The following MBP variants were observed in gnomAD, a reference collection of about 807,000 sequenced individuals.
MBP encodes Golli-MBP.
Under a neutral mutation model 35.8 loss-of-function variants are expected in MBP, and 16 were observed. That is an observed-to-expected ratio of 0.45 (90% confidence interval 0.30 to 0.68). The LOEUF is 0.68. MBP is among the 30% of genes least tolerant of loss of function. The probability of loss-of-function intolerance (pLI) is 0.08; values close to 1 mark genes in which losing one functional copy is unlikely to be tolerated. For synonymous variants in MBP, 143 were observed against 159.6 expected (o/e 0.90, Z 0.78); for missense variants, 380 against 404.7 (o/e 0.94, Z 0.52).
chr18:77,130,698 C>CT (rs890008904), intron 1 of MBP, among the ~76,000 whole-genome samples: 3 of 132,256 alleles, frequency 2.3e-5, no homozygotes, highest in Non-Finnish European at 4.9e-5. Flanking sequence ...TTTTTTTTTT[C>CT]TTTTTTCCCC....
chr18:77,051,490 CT>C (rs1973487501), intron 3 of MBP, among the ~76,000 whole-genome samples: 1 of 152,218 alleles, frequency 6.6e-6, no homozygotes, highest in Non-Finnish European at 1.5e-5. Flanking sequence ...TTCTGGGCCT[CT>C]GCACTGGGCT....
rs1024162539 is a variant in MBP, at chr18:77,131,377, C to T, written c.-26+1203G>A. Among the ~76,000 whole-genome samples the T allele has an allele frequency of 9.8e-5, 15 of 152,312 alleles. No homozygotes were observed. Among genetic ancestry groups the T allele is most frequent in the African/African-American group, 3.6e-4 (15 of 41,566 alleles). ...CACACACTGGAGTTCCCTGACGTTT[C>T]CTTCCTCTGAAAAACTCTCTTTCCA... On this transcript the variant is annotated intron_variant, in intron 1 of 8. Coordinates refer to ENST00000355994, the MANE Select transcript of MBP (RefSeq NM_001025101.2). This position sits in a 1 kb window ranked among gnomAD's most constrained non-coding sequence, Gnocchi z 5.5.
At chr18:77,039,845 T>C (rs143977223) in intron 3 of MBP, among the ~76,000 whole-genome samples, 1 of 152,322 alleles carries the variant, frequency 6.6e-6, no homozygotes, top group Non-Finnish European at 1.5e-5. Context: ...CAGGGGTGGA[T>C]GCCCAGCCCC....
At chr18:77,010,784 A>G (rs998512086) in intron 4 of MBP, among the ~76,000 whole-genome samples, 12 of 152,248 alleles carry the variant, frequency 7.9e-5, no homozygotes, top group African/African-American at 2.7e-4. Context: ...TATCTGCTAT[A>G]TCAATGAACT....
At chr18:77,026,193 T>C (rs1010772362) in intron 3 of MBP, among the ~76,000 whole-genome samples, 4 of 152,264 alleles carry the variant, frequency 2.6e-5, no homozygotes, top group African/African-American at 9.6e-5. Flanking sequence ...GTGCCTGAAC[T>C]CAGCGCTTTT....
At chr18:77,076,884 C>G (rs1203271028) in intron 2 of MBP, among the ~76,000 whole-genome samples, 1 of 152,152 alleles carries the variant, frequency 6.6e-6, no homozygotes, top group Non-Finnish European at 1.5e-5. Context: ...AGGCACCAAT[C>G]CCAACCCCAC....
At position 76,980,065 on chromosome 18, in the gene MBP, C is replaced by T. The variant is rs1004431347; in HGVS notation, c.*362G>A. The T allele has an allele frequency of 1.1e-5, 8 of 700,740 alleles. No homozygotes were observed. The African/African-American group carries it at 1.2e-4, about 11-fold the overall frequency. 43.4% of individuals were successfully genotyped at this position (700,740 alleles called of 1,614,324 possible). A position where few individuals can be genotyped will look rare whatever the true frequency, so the allele number is the denominator to read the frequency against. ...TCCATGGCAGTGACCAGCAAAAGCG[C>T]AAGGGTGCCGCAGCCACGGCGAAAA... On this transcript the variant is annotated 3_prime_UTR_variant, in exon 9 of 9. Coordinates refer to ENST00000355994, the MANE Select transcript of MBP (RefSeq NM_001025101.2).
chr18:77,104,802 C>G (rs574429020), intron 2 of MBP, among the ~76,000 whole-genome samples: 1 of 152,168 alleles, frequency 6.6e-6, no homozygotes, highest in East Asian at 1.9e-4. Flanking sequence ...TCTCTGAGAG[C>G]CTCCTGATAC....
intron 1 of MBP, among the ~76,000 whole-genome samples, chr18:77,107,371 C>T (rs1259874717): frequency 2.0e-5 from 3 of 152,160 alleles, no homozygotes; most frequent in Admixed American, 6.5e-5. Flanking sequence ...TGTGAGCCCT[C>T]GCCTGCCCAG....
intron 2 of MBP, among the ~76,000 whole-genome samples, chr18:77,077,423 T>C (rs1974709594): frequency 6.6e-6 from 1 of 151,282 alleles, no homozygotes; most frequent in South Asian, 2.1e-4. Context: ...TACTTTCCCC[T>C]GCAAACTAGT....
At chr18:77,042,376 T>C (rs1402084375) in intron 3 of MBP, among the ~76,000 whole-genome samples, 3 of 152,200 alleles carry the variant, frequency 2.0e-5, no homozygotes, top group Non-Finnish European at 2.9e-5. Context: ...CCCACTCTGA[T>C]TGGCACCCTT....
At chr18:77,106,500 G>A (rs1158140087) in intron 1 of MBP, among the ~76,000 whole-genome samples, 2 of 152,118 alleles carry the variant, frequency 1.3e-5, no homozygotes, top group Admixed American at 6.5e-5. Context: ...TGTGGGAGAC[G>A]ACTAGCAGCC....
chr18:77,066,516 A>AT (rs766528420), intron 2 of MBP, 131 bp from the exon 3 acceptor site: 18 of 788,766 alleles, frequency 2.3e-5, no homozygotes, highest in Non-Finnish European at 3.9e-5. Context: ...TCAAGATAGA[A>AT]TATAGAGCCT....
intron 3 of MBP, among the ~76,000 whole-genome samples, chr18:77,028,058 T>C (rs967650068): frequency 3.1e-4 from 47 of 149,722 alleles, no homozygotes; most frequent in Middle Eastern, 6.8e-3. Flanking sequence ...GGCAGGGTCA[T>C]AGGACAATAG....
At chr18:77,095,019 G>A (rs368338254) in intron 2 of MBP, among the ~76,000 whole-genome samples, 2 of 152,164 alleles carry the variant, frequency 1.3e-5, no homozygotes, top group Non-Finnish European at 2.9e-5. Context: ...CAACAAATGC[G>A]AGCTGTGACC....
chr18:77,067,798 G>A (rs1974258861), intron 2 of MBP: 4 of 508,582 alleles, frequency 7.9e-6, no homozygotes, highest in Non-Finnish European at 1.6e-5. Context: ...ACCATAATAT[G>A]TACATAGTCT....
At chr18:77,009,822 A>T in intron 4 of MBP, 1 of 1,551,116 alleles carries the variant, frequency 6.4e-7, no homozygotes, top group Admixed American at 1.9e-5. Flanking sequence ...CCTGGCCCCG[A>T]TGGGTGAGGA....
Position 77,129,378 on chromosome 18 carries a change from G to A in MBP, c.-26+3202C>T, listed in dbSNP as rs4890899. Among the ~76,000 whole-genome samples, 424 of 152,346 alleles carry A rather than the reference G, an allele frequency of 2.8e-3. 14 individuals are homozygous for A. Among genetic ancestry groups the A allele is most frequent in the Admixed American group, 0.025 (388 of 15,298 alleles). ...GCATGTGGGAGATGTTGCTGTGGAA[G>A]GCAGCTTCAGTCGGCCGGGGAGATC... On this transcript the variant is annotated intron_variant, in intron 1 of 8. Coordinates refer to ENST00000355994, the MANE Select transcript of MBP (RefSeq NM_001025101.2).
At chr18:77,068,017 G>A (rs1321827432) in intron 2 of MBP, among the ~76,000 whole-genome samples, 1 of 57,420 alleles carries the variant, frequency 1.7e-5, no homozygotes, top group African/African-American at 7.3e-5. Context: ...CCTCCATCCC[G>A]TGTGTGTGTG....
Sources: allele counts gnomAD v4.1 joint callset (sites outside exome capture counted in the v4.1 genomes callset), GRCh38; gene constraint gnomAD v4.1.1; non-coding constraint Gnocchi (gnomAD v3.1); transcripts MANE v1.5; gene names NCBI Gene and HGNC (gene_info 2026-07-23, HGNC 2026-07-21).